Variants in KIAA1217 observed in about 807,000 individuals in gnomAD.
KIAA1217 encodes KIAA1217, also known as sickle tail protein homolog.
KIAA1217 carries 88 observed loss-of-function variants against 163.9 expected under a neutral mutation model. The ratio of observed to expected loss-of-function variants is 0.54; its 90% CI spans 0.45 to 0.64. The LOEUF (loss-of-function observed/expected upper bound fraction) is 0.64. KIAA1217 is among the 30% of genes least tolerant of loss of function. KIAA1217 has a pLI of 0.00. For synonymous variants in KIAA1217, 903 were observed against 923.1 expected, an observed-to-expected ratio of 0.98 and a Z score of 0.39; for missense variants, 2,372 against 2,475.0, an observed-to-expected ratio of 0.96 and a Z score of 0.88.
chr10:23,894,245 T>C (rs1415797385), intron 1 of KIAA1217, among the ~76,000 whole-genome samples: 56 of 151,658 alleles, frequency 3.7e-4, no homozygotes, highest in African/African-American at 1.3e-3. Flanking sequence ...AAAACCCCAT[T>C]GTCTCAGCCC....
intron 1 of KIAA1217, among the ~76,000 whole-genome samples, chr10:23,854,639 G>A (rs1839550742): frequency 6.6e-6 from 1 of 152,280 alleles, no homozygotes; most frequent in East Asian, 1.9e-4. Context: ...TTATTATCGT[G>A]TGGGAGTCTA....
At chr10:24,241,646 A>G (rs1021959612) in intron 2 of KIAA1217, among the ~76,000 whole-genome samples, 3 of 152,280 alleles carry the variant, frequency 2.0e-5, no homozygotes, top group South Asian at 4.1e-4. Context: ...ACTGTCCTTT[A>G]TTCCTTCTGT....
intron 2 of KIAA1217, among the ~76,000 whole-genome samples, chr10:24,061,667 T>C (rs1265283244): frequency 1.3e-5 from 2 of 152,200 alleles, no homozygotes; most frequent in East Asian, 1.9e-4. Flanking sequence ...ATCTTCTTAG[T>C]TGGCAGCATT....
At chr10:24,025,254 T>G (rs1416044073) in intron 2 of KIAA1217, among the ~76,000 whole-genome samples, 1 of 151,770 alleles carries the variant, frequency 6.6e-6, no homozygotes, top group Non-Finnish European at 1.5e-5. Context: ...ACTATTCTAG[T>G]GTGATTTATT....
At chr10:24,334,480 G>GAAGGAAGGAAGA (rs548225852) in intron 2 of KIAA1217, among the ~76,000 whole-genome samples, 6,235 of 81,812 alleles carry the variant, frequency 0.076, 329 homozygotes, top group East Asian at 0.26. Context: ...AGGAAGGAAG[G>GAAGGAAGGAAGA]AAGGAACTTA....
intron 2 of KIAA1217, among the ~76,000 whole-genome samples, chr10:24,315,253 A>G (rs2043206005): frequency 6.6e-6 from 1 of 152,198 alleles, no homozygotes; most frequent in Non-Finnish European, 1.5e-5. Context: ...CACCCAAAAG[A>G]AAAGGAAGAT....
intron 1 of KIAA1217, among the ~76,000 whole-genome samples, chr10:23,737,107 T>G (rs1838849818): frequency 1.3e-5 from 2 of 152,266 alleles, no homozygotes; most frequent in Admixed American, 1.3e-4. Context: ...TCTTATAATT[T>G]TATTAGGTAT....
Position 24,364,913 on chromosome 10 carries a change from C to T in KIAA1217, c.355-15956C>T, listed in dbSNP as rs1041828568. Among the ~76,000 whole-genome samples the T allele has an allele frequency of 4.6e-5, 7 of 152,180 alleles. No homozygotes were observed. In the East Asian group the frequency reaches 9.7e-4, roughly 21 times the overall value. ...TCCTGAGGTCAAGCAGTCCTCCCCC[C>T]TCAGCCCCCTCGGTAGCTAGGACTA... is the stretch of plus-strand genomic sequence containing the variant. On this transcript the variant is annotated intron_variant, in intron 2 of 20. Coordinates refer to ENST00000376454, the MANE Select transcript of KIAA1217 (RefSeq NM_019590.5).
intron 2 of KIAA1217, among the ~76,000 whole-genome samples, chr10:24,375,015 G>A (rs761439314): frequency 1.1e-4 from 16 of 152,060 alleles, no homozygotes; most frequent in Non-Finnish European, 2.1e-4. Context: ...TGAACTCCTG[G>A]GCTCAAGCAA....
chr10:23,793,312 C>A (rs1032850673), intron 1 of KIAA1217, among the ~76,000 whole-genome samples: 31 of 152,284 alleles, frequency 2.0e-4, no homozygotes, highest in Non-Finnish European at 8.8e-5. Context: ...AAGATGAGAT[C>A]CCTATGCCAC....
chr10:24,185,232 A>G (rs541190651), intron 2 of KIAA1217, among the ~76,000 whole-genome samples: 152 of 152,282 alleles, frequency 1.0e-3, no homozygotes, highest in Non-Finnish European at 1.7e-3. Flanking sequence ...TAAAACCCAC[A>G]GGTAACCTGC....
intron 1 of KIAA1217, among the ~76,000 whole-genome samples, chr10:23,858,371 A>T (rs1839798435): frequency 6.6e-6 from 1 of 152,138 alleles, no homozygotes; most frequent in Non-Finnish European, 1.5e-5. Context: ...CTAAAGAACT[A>T]TAAACTTAGA....
At chr10:24,259,965 G>T (rs1736786268) in intron 2 of KIAA1217, among the ~76,000 whole-genome samples, 1 of 152,186 alleles carries the variant, frequency 6.6e-6, no homozygotes, top group African/African-American at 2.4e-5. Flanking sequence ...GCTCAAAAGA[G>T]CTCAGGTGTC....
intron 1 of KIAA1217, among the ~76,000 whole-genome samples, chr10:23,931,630 T>C (rs1188368777): frequency 6.6e-6 from 1 of 152,196 alleles, no homozygotes; most frequent in African/African-American, 2.4e-5. Context: ...TGGTCAGCTA[T>C]AGGAAACCTC....
At position 23,725,071 on chromosome 10, in the gene KIAA1217, G is replaced by A. The variant is rs7898860; in HGVS notation, c.-321+29837G>A. 7.1e-3 allele frequency among the ~76,000 whole-genome samples: 1,075 copies of A among 152,222 alleles called. 20 individuals carry two copies. Among genetic ancestry groups the A allele is most frequent in the African/African-American group, 0.025 (1,030 of 41,534 alleles). ...ATACAAGGTGCCTCCCCTCTGGCCT[G>A]CCTATGTCATGGGTTCTCTTTCCTT... is the stretch of plus-strand genomic sequence containing the variant. On this transcript the variant is annotated intron_variant, in intron 1 of 18. Transcript: ENST00000376462.
At chr10:24,352,836 C>T (rs1001182412) in intron 2 of KIAA1217, among the ~76,000 whole-genome samples, 4 of 151,944 alleles carry the variant, frequency 2.6e-5, no homozygotes, top group Non-Finnish European at 4.4e-5. Context: ...TGAGTGACCT[C>T]GACTTTGTCC....
At position 24,186,068 on chromosome 10, in the gene KIAA1217, A is replaced by G. The variant is rs532619369; in HGVS notation, c.-170-33558A>G. Among the ~76,000 whole-genome samples the G allele has an allele frequency of 2.7e-3, 407 of 152,236 alleles. 3 individuals carry two copies. Among genetic ancestry groups the G allele is most frequent in the Admixed American group, 4.4e-3 (67 of 15,294 alleles). ...CCTCCCCTTCCCAACACATGTTAGC[A>G]ATATTATTTTTAAATGGTCATTGCT... On this transcript the variant is annotated intron_variant, in intron 2 of 18. Transcript: ENST00000376462.
chr10:24,068,594 A>G (rs1396775142), intron 2 of KIAA1217, among the ~76,000 whole-genome samples: 3 of 152,208 alleles, frequency 2.0e-5, no homozygotes, highest in Non-Finnish European at 4.4e-5. Context: ...CATGGACAAG[A>G]CTGCTACAGA....
intron 2 of KIAA1217, among the ~76,000 whole-genome samples, chr10:24,021,359 C>CA (rs1482784277): frequency 1.3e-5 from 2 of 151,516 alleles, no homozygotes; most frequent in African/African-American, 2.4e-5. Flanking sequence ...ACATTAGCAC[C>CA]AAAAAAATCA....
Sources: allele counts gnomAD v4.1 joint callset (sites outside exome capture counted in the v4.1 genomes callset), GRCh38; gene constraint gnomAD v4.1.1; transcripts MANE v1.5; gene names NCBI Gene and HGNC (gene_info 2026-07-23, HGNC 2026-07-21).